PNPLA7: variants seen among roughly 807,000 people sequenced by gnomAD.
PNPLA7 encodes the protein patatin-like phospholipase domain-containing protein 7.
A neutral mutation model predicts 161.7 loss-of-function variants in PNPLA7; 153 were observed. The ratio of observed to expected loss-of-function variants is 0.95; its 90% CI spans 0.83 to 1.08. The LOEUF is 1.08. Ranked by LOEUF, PNPLA7 falls within the 50% of genes least tolerant of loss-of-function variation. The probability of loss-of-function intolerance (pLI) is 0.00; values close to 1 mark genes in which losing one functional copy is unlikely to be tolerated. For synonymous variants in PNPLA7, 809 were observed against 782.1 expected, an observed-to-expected ratio of 1.03 and a Z score of -0.57; for missense variants, 1,739 against 1,856.6, an observed-to-expected ratio of 0.94 and a Z score of 1.16.
At chr9:137,522,127 T>C (rs139090762) in intron 9 of PNPLA7, among the ~76,000 whole-genome samples, 2 of 152,184 alleles carry the variant, frequency 1.3e-5, no homozygotes, top group African/African-American at 4.8e-5. Flanking sequence ...CAGGCTGGAG[T>C]GCAGTGGCAC....
Position 137,547,757 on chromosome 9 carries a change from T to C in PNPLA7, c.31-98A>G, listed in dbSNP as rs576426469. On this transcript the variant is annotated intron_variant, in intron 1 of 34. Coordinates refer to ENST00000406427, the MANE Select transcript of PNPLA7 (RefSeq NM_001098537.3). This position sits in a 1 kb window ranked among gnomAD's most constrained non-coding sequence, Gnocchi z 4.6. ...GGAGAGCTGGGAGTTAGGGGAGAAG[T>C]CAGCAGCCCTGGAGACTTCTGGGAA... 135 of 1,157,338 alleles carry C rather than the reference T, an allele frequency of 1.2e-4. No homozygotes were observed. The highest frequency in any genetic ancestry group is 6.4e-4 in the Admixed American group (37 of 58,104). The allele number at this position is 1,157,338 out of a possible 1,614,324, so 71.7% of individuals were successfully genotyped here.
Position 137,464,414 on chromosome 9 carries a change from G to C in PNPLA7, c.3082C>G (p.Pro1028Ala). 6.2e-7 allele frequency: 1 copy of C among 1,613,950 alleles called. No homozygotes were observed. Among genetic ancestry groups the C allele is most frequent in the Non-Finnish European group, 8.5e-7 (1 of 1,179,998 alleles). ...GCTCCGGAGAACATGGACGTGATGG[G>C]GTAGGTGAGGTCCAGCGCGGCCTTC... ...LMKAALDLTYPITSMFSGAGF... is the reference protein window; with the variant it reads ...LMKAALDLTYAITSMFSGAGF... The change falls in exon 27 of 35, where the codon CCC becomes GCC. Residue 1028 changes from proline to alanine, a missense_variant. This residue lies in a region of PNPLA7 where 703 missense variants were observed against 694.6 expected (regional missense o/e 1.01). Transcript: ENST00000406427.
intron 12 of PNPLA7, chr9:137,509,772 G>A (rs113625080): frequency 2.0e-5 from 9 of 454,786 alleles, no homozygotes; most frequent in South Asian, 6.2e-5. Flanking sequence ...GTCTGTGGGC[G>A]GCAAGCCACC....
At position 137,547,402 on chromosome 9, in the gene PNPLA7, C is replaced by G. The variant is rs527798643; in HGVS notation, c.106-6G>C. 12 of 1,613,360 alleles carry G rather than the reference C, an allele frequency of 7.4e-6. No individual in the cohort carries two copies. In the East Asian group the frequency reaches 2.7e-4, roughly 36 times the overall value. On this transcript the variant is annotated splice_region_variant and splice_polypyrimidine_tract_variant and intron_variant, in intron 2 of 34. Coordinates refer to ENST00000406427, the MANE Select transcript of PNPLA7 (RefSeq NM_001098537.3). The surrounding 1 kb of genome is among the most constrained non-coding windows in gnomAD (Gnocchi z 4.6). ...CCAACTGCAATCCCCGTCAGCTGGC[C>G]GAGAGTGGAAACACGGCGCCCATCA...
At position 137,545,128 on chromosome 9, in the gene PNPLA7, A is replaced by G. The variant is rs1000195380; in HGVS notation, c.274-1313T>C. Among the ~76,000 whole-genome samples, 62 of 152,058 alleles carry G rather than the reference A, an allele frequency of 4.1e-4. 1 individual carries two copies. The highest frequency in any genetic ancestry group is 1.5e-4 in the Non-Finnish European group (10 of 68,010). On this transcript the variant is annotated intron_variant, in intron 4 of 34. Transcript: ENST00000406427. ...GCCAGGGGAGGCCTCCGACAGCCCA[A>G]TTGGCCAAAGACGAGGAAGGGTTAA...
intron 11 of PNPLA7, among the ~76,000 whole-genome samples, chr9:137,519,135 T>C (rs1417497636): frequency 6.6e-6 from 1 of 152,254 alleles, no homozygotes; most frequent in Admixed American, 6.5e-5. Flanking sequence ...CTCACTCTCA[T>C]CAGCATTGCT....
chr9:137,531,598 G>A (rs546343747), intron 8 of PNPLA7, among the ~76,000 whole-genome samples: 2 of 152,274 alleles, frequency 1.3e-5, no homozygotes, highest in South Asian at 2.1e-4. Flanking sequence ...ACTCAGCCAC[G>A]GAGAAATCAA....
chr9:137,525,717 C>G (rs1012282749), intron 8 of PNPLA7, among the ~76,000 whole-genome samples: 3 of 148,798 alleles, frequency 2.0e-5, no homozygotes, highest in African/African-American at 7.7e-5. Flanking sequence ...CACAGGGAGA[C>G]GTTTAGGCCT....
intron 8 of PNPLA7, among the ~76,000 whole-genome samples, chr9:137,529,573 G>A (rs1278207887): frequency 6.6e-6 from 1 of 151,994 alleles, no homozygotes; most frequent in Non-Finnish European, 1.5e-5. Flanking sequence ...TGTTTTCAAA[G>A]CCTTGGTTCT....
chr9:137,470,663 G>A lies in PNPLA7; in HGVS notation c.2883-3190C>T, dbSNP rs142345440. 4.4e-3 allele frequency among the ~76,000 whole-genome samples: 675 copies of A among 152,192 alleles called. 7 individuals are homozygous for A. The highest frequency in any genetic ancestry group is 0.022 in the East Asian group (114 of 5,190). On this transcript the variant is annotated intron_variant, in intron 25 of 34. Coordinates refer to ENST00000406427, the MANE Select transcript of PNPLA7 (RefSeq NM_001098537.3). ...ACAAACAAACCTTCATACCAAACCCGGTAAAGACATTTCAAAAAAGGACAA... is the reference window on the plus strand; with the variant it reads ...ACAAACAAACCTTCATACCAAACCCAGTAAAGACATTTCAAAAAAGGACAA...
chr9:137,506,387 G>C (rs971186232), intron 12 of PNPLA7, among the ~76,000 whole-genome samples: 1 of 152,204 alleles, frequency 6.6e-6, no homozygotes, highest in Non-Finnish European at 1.5e-5. Context: ...CCCTGGTCCT[G>C]AGCCAAATTC....
At chr9:137,502,721 C>CGGGGGGGCGG in intron 14 of PNPLA7, among the ~76,000 whole-genome samples, 1 of 12,142 alleles carries the variant, frequency 8.2e-5, no homozygotes, top group East Asian at 2.4e-3. Context: ...GCGGGGGACG[C>CGGGGGGGCGG]GGGGGACGGG....
Position 137,480,437 on chromosome 9 carries a change from C to T in PNPLA7, c.2455G>A (p.Asp819Asn), listed in dbSNP as rs2132143871. 6.2e-7 allele frequency: 1 copy of T among 1,612,804 alleles called. No individual in the cohort carries two copies. Among genetic ancestry groups the T allele is most frequent in the Non-Finnish European group, 8.5e-7 (1 of 1,179,436 alleles). ...RLSSWLGQQE[D>N]THRIVLYQAD... ...TGGTAGAGCACGATCCTGTGGGTGTCCTCCTGCTGCCCCAGCCAGCTGGAC... is the reference window on the plus strand; with the variant it reads ...TGGTAGAGCACGATCCTGTGGGTGTTCTCCTGCTGCCCCAGCCAGCTGGAC... The change falls in exon 23 of 35, where the codon GAC becomes AAC. Residue 819 changes from aspartate to asparagine, a missense_variant. Coordinates refer to ENST00000406427, the MANE Select transcript of PNPLA7 (RefSeq NM_001098537.3).
In PNPLA7 at chr9:137,500,908, G is replaced by A; in HGVS notation, c.1552-12C>T. 6.4e-7 allele frequency: 1 copy of A among 1,551,334 alleles called. No homozygotes were observed. ...AGGATGCTGGCGTCCTGACACACGA[G>A]AGGGCTCAGGAGGCGCCGCGAGTGG... On this transcript the variant is annotated splice_polypyrimidine_tract_variant and intron_variant, in intron 15 of 34. Transcript: ENST00000406427. The surrounding 1 kb of genome is among the most constrained non-coding windows in gnomAD (Gnocchi z 5.5).
intron 20 of PNPLA7, chr9:137,491,517 TAGAC>T: frequency 1.0e-6 from 1 of 985,292 alleles, no homozygotes; most frequent in East Asian, 1.1e-4. Flanking sequence ...CGTTACGTGT[TAGAC>T]AGTGTCCCCC....
At chr9:137,498,730 T>C (rs1009999471) in intron 16 of PNPLA7, among the ~76,000 whole-genome samples, 8 of 151,968 alleles carry the variant, frequency 5.3e-5, no homozygotes, top group Admixed American at 5.2e-4. Context: ...AACACTGTTC[T>C]CTCCCCGGTG....
rs538162409 is a variant in PNPLA7, at chr9:137,524,361, G to A, written c.748-1504C>T. 1.5e-4 allele frequency among the ~76,000 whole-genome samples: 22 copies of A among 151,284 alleles called. No individual in the cohort carries two copies. Among genetic ancestry groups the A allele is most frequent in the South Asian group, 4.2e-4 (2 of 4,748 alleles). On this transcript the variant is annotated intron_variant, in intron 8 of 34. Coordinates refer to ENST00000406427, the MANE Select transcript of PNPLA7 (RefSeq NM_001098537.3). The surrounding 1 kb of genome is among the most constrained non-coding windows in gnomAD (Gnocchi z 4.4). Reference sequence around the variant, plus strand: ...AGTCGAGATTCCCCCACGGTGGCGCGTCTGCCAGAGGCCTGTGCCTTGGCT... The same window carrying A: ...AGTCGAGATTCCCCCACGGTGGCGCATCTGCCAGAGGCCTGTGCCTTGGCT...
intron 8 of PNPLA7, among the ~76,000 whole-genome samples, chr9:137,536,560 A>G (rs1273400835): frequency 6.6e-6 from 1 of 152,230 alleles, no homozygotes; most frequent in African/African-American, 2.4e-5. Context: ...TAACAGGTGC[A>G]CAGAAAAATC....
chr9:137,512,062 T>G (rs904566618), intron 12 of PNPLA7, among the ~76,000 whole-genome samples: 1 of 152,244 alleles, frequency 6.6e-6, no homozygotes, highest in African/African-American at 2.4e-5. Flanking sequence ...TAGTGGCCTC[T>G]GGGCCCAGCT....
Sources: allele counts gnomAD v4.1 joint callset (sites outside exome capture counted in the v4.1 genomes callset), GRCh38; gene constraint gnomAD v4.1.1; regional missense constraint gnomAD v4.1.1; non-coding constraint Gnocchi (gnomAD v3.1); transcripts MANE v1.5; gene names NCBI Gene and HGNC (gene_info 2026-07-23, HGNC 2026-07-21).